ASPHD1: variants seen among roughly 807,000 people sequenced by gnomAD.
The protein encoded by ASPHD1 is aspartate beta-hydroxylase domain-containing protein 1.
In ASPHD1, 20 loss-of-function variants were observed where a neutral mutation model predicts 28.3. That is an observed-to-expected ratio of 0.71 (90% CI 0.50 to 1.03). ASPHD1 has a LOEUF of 1.03. Among genes scored for constraint, ASPHD1 ranks in the 50% least tolerant of loss-of-function variants. The pLI is 0.00. For missense variants in ASPHD1, 479 were observed against 524.1 expected, an observed-to-expected ratio of 0.91 and a Z score of 0.84; for synonymous variants, 240 against 221.2, an observed-to-expected ratio of 1.08 and a Z score of -0.75.
At chr16:29,917,727 C>T (rs1055507673) in intron 3 of ASPHD1, among the ~76,000 whole-genome samples, 7 of 151,918 alleles carry the variant, frequency 4.6e-5, no homozygotes, top group African/African-American at 1.5e-4. Context: ...TGCAGTGAGC[C>T]GAGATCATGC....
intron 3 of ASPHD1, among the ~76,000 whole-genome samples, chr16:29,916,680 A>G (rs1215573660): frequency 6.6e-6 from 1 of 152,238 alleles, no homozygotes; most frequent in African/African-American, 2.4e-5. Flanking sequence ...CCTGGCCGAC[A>G]GAGCAAGACT....
At chr16:29,911,498 T>C in intron 3 of ASPHD1, 1 of 565,034 alleles carries the variant, frequency 1.8e-6, no homozygotes, top group Non-Finnish European at 3.1e-6. Flanking sequence ...CCCGACCTCC[T>C]CATCTGTAAA....
chr16:29,905,104 G>C, intron 2 of ASPHD1, 139 bp downstream of exon 2: 1 of 606,008 alleles, frequency 1.7e-6, no homozygotes, highest in East Asian at 3.1e-5. Flanking sequence ...TGAACAAGCC[G>C]CATAACTTCT....
chr16:29,912,499 G>C (rs1055425799), intron 3 of ASPHD1: 3 of 198,596 alleles, frequency 1.5e-5, no homozygotes, highest in African/African-American at 7.2e-5. Context: ...GGAGTGCAAT[G>C]GCGCCATCTC....
At chr16:29,907,543 T>C (rs947194592), downstream of ASPHD1, among the ~76,000 whole-genome samples, 3 of 152,188 alleles carry the variant, frequency 2.0e-5, no homozygotes, top group East Asian at 5.8e-4. Context: ...TCCCAGCACT[T>C]TGGGAGGCCA....
intron 3 of ASPHD1, among the ~76,000 whole-genome samples, chr16:29,917,728 G>A (rs753954454): frequency 6.6e-6 from 1 of 152,050 alleles, no homozygotes; most frequent in Non-Finnish European, 1.5e-5. Context: ...GCAGTGAGCC[G>A]AGATCATGCC....
intron 3 of ASPHD1, chr16:29,911,674 G>C (rs981500630): frequency 1.3e-6 from 1 of 794,894 alleles, no homozygotes; most frequent in East Asian, 2.7e-5. Context: ...GAGCGTCAGG[G>C]GTAAGAGGCG....
chr16:29,908,683 C>CTT (rs576706189), downstream of ASPHD1, among the ~76,000 whole-genome samples: 7 of 136,194 alleles, frequency 5.1e-5, no homozygotes, highest in African/African-American at 8.2e-5. Flanking sequence ...CATGCCCGGC[C>CTT]TTTTTTTTTT....
At position 29,900,997 on chromosome 16, in the gene ASPHD1, G is replaced by T. The variant is rs1264386349; in HGVS notation, c.26G>T (p.Ser9Ile). ...ATGAAGGAGGGGAGAGGGAGCTTCA[G>T]CGTGGAGAGAGGACCGCGGAAGGAG... Reference protein sequence around the residue: MKEGRGSFSVERGPRKERE... With the variant: MKEGRGSFIVERGPRKERE... The change falls in exon 1 of 3, where the codon AGC becomes ATC. Residue 9 changes from serine to isoleucine, a missense_variant. Coordinates refer to ENST00000308748, the MANE Select transcript of ASPHD1 (RefSeq NM_181718.4). The T allele has an allele frequency of 8.3e-6, 13 of 1,559,722 alleles. No homozygotes were observed. Among genetic ancestry groups the T allele is most frequent in the Middle Eastern group, 1.7e-4 (1 of 5,980 alleles).
downstream of ASPHD1, chr16:29,906,945 C>A: frequency 1.9e-6 from 3 of 1,614,096 alleles, no homozygotes; most frequent in East Asian, 2.2e-5. Context: ...ATGGATCCTG[C>A]GGACACGGTG....
downstream of ASPHD1, chr16:29,906,852 G>T: frequency 6.2e-7 from 1 of 1,601,834 alleles, no homozygotes; most frequent in African/African-American, 1.3e-5. Context: ...GCAAGAGGAA[G>T]GCAGGGGGAG....
chr16:29,909,575 G>C (rs1597012001), downstream of ASPHD1, among the ~76,000 whole-genome samples: 1 of 152,104 alleles, frequency 6.6e-6, no homozygotes, highest in African/African-American at 2.4e-5. Context: ...GGAATATCTT[G>C]ATGATTGCCA....
chr16:29,916,738 T>C (rs2150840241), intron 3 of ASPHD1, among the ~76,000 whole-genome samples: 1 of 152,296 alleles, frequency 6.6e-6, no homozygotes, highest in Middle Eastern at 3.4e-3. Flanking sequence ...TTATCTCACA[T>C]AGTTTCTGTG....
At chr16:29,908,764 G>A (rs992660179), downstream of ASPHD1, among the ~76,000 whole-genome samples, 32 of 150,954 alleles carry the variant, frequency 2.1e-4, no homozygotes, top group Admixed American at 2.0e-3. Context: ...GTGCAGTGGT[G>A]TGATCATGTA....
In ASPHD1 at chr16:29,901,650, G is replaced by A. The variant is rs375216221; in HGVS notation, c.679G>A (p.Val227Met). 1.8e-5 allele frequency: 28 copies of A among 1,579,208 alleles called. No homozygotes were observed. Among genetic ancestry groups the A allele is most frequent in the South Asian group, 1.1e-5 (1 of 87,340 alleles). Reference sequence around the variant, plus strand: ...TGCCATTTTGCGGGACTTCGGGGCTGTGAGCTGGGACTTCTCAGGGACTAC... The same window carrying A: ...TGCCATTTTGCGGGACTTCGGGGCTATGAGCTGGGACTTCTCAGGGACTAC... The part of the protein sequence containing the change: ...FPAILRDFGA[V>M]SWDFSGTTPP... Residue 227 changes from valine to methionine, a missense_variant, in exon 1 of 3, where the codon GTG becomes ATG. Transcript: ENST00000308748. This position sits in a 1 kb window ranked among gnomAD's most constrained non-coding sequence, Gnocchi z 5.1.
In ASPHD1 at chr16:29,901,482, G is replaced by GGTA. The variant is rs750474230; in HGVS notation, c.513_514insAGT (p.Gly171_Gly172insSer). On this transcript the variant is annotated inframe_insertion, in exon 1 of 3. Transcript: ENST00000308748. The surrounding 1 kb of genome is among the most constrained non-coding windows in gnomAD (Gnocchi z 5.1). ...GGGTAGAGTGAGGCGGGCAGCTCAG[G>GGTA]GTGGCCCAGGCCCTGGGAGAGGGCC... 18 of 1,523,526 alleles carry GGTA rather than the reference G, an allele frequency of 1.2e-5. No individual in the cohort carries two copies. Among genetic ancestry groups the GGTA allele is most frequent in the Non-Finnish European group, 1.6e-5 (18 of 1,131,186 alleles). 94.4% of individuals were successfully genotyped at this position (1,523,526 alleles called of 1,614,324 possible).
Position 29,901,395 on chromosome 16 carries a change from A to G in ASPHD1, c.424A>G (p.Thr142Ala). 6.3e-7 allele frequency: 1 copy of G among 1,590,818 alleles called. No homozygotes were observed. Among genetic ancestry groups the G allele is most frequent in the South Asian group, 1.1e-5 (1 of 88,578 alleles). Residue 142 changes from threonine (T) to alanine (A), a missense_variant, in exon 1 of 3, where the codon ACG (threonine) becomes GCG (alanine). Physicochemically the swap from Thr to Ala is moderately conservative, Grantham distance 58. Coordinates refer to ENST00000308748, the MANE Select transcript of ASPHD1 (RefSeq NM_181718.4). The surrounding 1 kb of genome is among the most constrained non-coding windows in gnomAD (Gnocchi z 5.1). ...TGGGGATCCCGGGGAAGGACCTAGG[A>G]CGGAAGGCCTAGTGAGCCGGCGGCT... ...GPGDPGEGPRTEGLVSRRLRA... is the reference protein window; with the variant it reads ...GPGDPGEGPRAEGLVSRRLRA...
intron 3 of ASPHD1, among the ~76,000 whole-genome samples, chr16:29,915,675 CT>C (rs1235808508): frequency 1.3e-5 from 2 of 151,818 alleles, no homozygotes; most frequent in Admixed American, 1.3e-4. Context: ...CTACTTTGGG[CT>C]TGTGCTGAGA....
downstream of ASPHD1, chr16:29,906,742 C>G: frequency 1.4e-6 from 1 of 737,034 alleles, no homozygotes; most frequent in Non-Finnish European, 2.3e-6. Flanking sequence ...GTGAGCTGTG[C>G]CATGCAATGA....
Sources: gnomAD v4.1 joint callset for allele counts (sites outside exome capture counted in the v4.1 genomes callset) on GRCh38, gnomAD v4.1.1 for gene constraint, Gnocchi (gnomAD v3.1) non-coding constraint, MANE v1.5 for transcripts, NCBI Gene and HGNC (gene_info 2026-07-23, HGNC 2026-07-21) for gene names.